Variants in NCOA7 observed in about 807,000 individuals in gnomAD.
The protein encoded by NCOA7 is nuclear receptor coactivator 7, also known as 140 kDa estrogen receptor-associated protein.
In NCOA7, 45 loss-of-function variants were observed where a neutral mutation model predicts 104.3. That is an observed-to-expected ratio of 0.43 (90% CI 0.34 to 0.55). NCOA7 has a LOEUF of 0.55. NCOA7 is among the 20% of genes least tolerant of loss of function. The pLI, the probability that NCOA7 is intolerant of heterozygous loss-of-function variation, is 0.02. For synonymous variants in NCOA7, 398 were observed against 402.3 expected, an observed-to-expected ratio of 0.99 and a Z score of 0.13; for missense variants, 1,041 against 1,119.7, an observed-to-expected ratio of 0.93 and a Z score of 1.00.
At chr6:125,874,194 G>A (rs747043696) in intron 3 of NCOA7, among the ~76,000 whole-genome samples, 2 of 152,060 alleles carry the variant, frequency 1.3e-5, no homozygotes, top group South Asian at 2.1e-4. Context: ...ACATGGTGGC[G>A]CACACCTGTA....
rs765782745 is a variant in NCOA7, at chr6:125,855,027, A to G, written c.58A>G (p.Lys20Glu). Residue 20 changes from lysine to glutamate, a missense_variant, in exon 3 of 16, where the codon AAG becomes GAG. Around this residue, in one of 2 missense-constraint regions of NCOA7, gnomAD observed 914 missense variants for 942.7 expected, o/e 0.97. Transcript: ENST00000392477. ...RKQSYFARLK[K>E]KKQAKQNAET... is the part of the protein sequence containing the mutation. ...TTTTTCCCTCTTTCCTAGACTGAAA[A>G]AGAAAAAACAAGCCAAACAAAATGC... 2 of 1,600,680 alleles carry G rather than the reference A, an allele frequency of 1.2e-6. No individual in the cohort carries two copies. Among genetic ancestry groups the G allele is most frequent in the Admixed American group, 3.5e-5 (2 of 57,544 alleles).
At chr6:125,830,926 A>T (rs1216898235) in intron 2 of NCOA7, among the ~76,000 whole-genome samples, 1 of 151,936 alleles carries the variant, frequency 6.6e-6, no homozygotes, top group East Asian at 1.9e-4. Context: ...TCTGTCTATT[A>T]TTCTATTTTC....
intron 10 of NCOA7, among the ~76,000 whole-genome samples, chr6:125,905,373 C>T (rs1275378231): frequency 6.6e-6 from 1 of 151,346 alleles, no homozygotes; most frequent in African/African-American, 2.4e-5. Context: ...TCTTCTGCCT[C>T]AGCCTCCCAA....
intron 11 of NCOA7, chr6:125,919,270 T>A (rs1253824149): frequency 6.2e-7 from 1 of 1,611,560 alleles, no homozygotes; most frequent in East Asian, 2.2e-5. Context: ...TAGCTCAGCG[T>A]GGCTACAAGT....
Position 125,792,744 on chromosome 6 carries a change from A to C in NCOA7, c.-65+1677A>C, listed in dbSNP as rs1197389073. Among the ~76,000 whole-genome samples, 3 of 152,098 alleles carry C rather than the reference A, an allele frequency of 2.0e-5. No individual in the cohort carries two copies. In the East Asian group the frequency reaches 5.8e-4, roughly 29 times the overall value. ...TGTGAAATGAGGGTTTGCAAGATAC[A>C]GTGTCTTCCTGCTTTAAAATGTTAT... On this transcript the variant is annotated intron_variant, in intron 1 of 15. Coordinates refer to ENST00000392477, the MANE Select transcript of NCOA7 (RefSeq NM_181782.5).
intron 1 of NCOA7, among the ~76,000 whole-genome samples, chr6:125,793,938 T>C (rs1485164637): frequency 6.6e-6 from 1 of 152,140 alleles, no homozygotes; most frequent in African/African-American, 2.4e-5. Context: ...CTAAATTTGA[T>C]CAGAAGCTTA....
chr6:125,906,319 C>T (rs1358145597), intron 10 of NCOA7, among the ~76,000 whole-genome samples: 2 of 151,784 alleles, frequency 1.3e-5, no homozygotes, highest in Non-Finnish European at 2.9e-5. Context: ...CGAGAGGAGG[C>T]AGGTAGGAGA....
upstream of NCOA7, chr6:125,786,123 T>C (rs1291330855): frequency 6.6e-6 from 1 of 152,210 alleles, no homozygotes; most frequent in Non-Finnish European, 1.5e-5. Context: ...ATAAACTCTC[T>C]TCTGCCTCTT....
chr6:125,835,150 AT>A (rs1358938561), intron 2 of NCOA7, among the ~76,000 whole-genome samples: 2 of 152,220 alleles, frequency 1.3e-5, no homozygotes, highest in East Asian at 3.8e-4. Flanking sequence ...GAGTTCCCCA[AT>A]AATGCAGCCT....
Position 125,853,335 on chromosome 6 carries a change from T to A in NCOA7, c.51-1685T>A, listed in dbSNP as rs1284768861. Among the ~76,000 whole-genome samples, 4 of 152,224 alleles carry A rather than the reference T, an allele frequency of 2.6e-5. No homozygotes were observed. The East Asian group carries it at 7.7e-4, about 29-fold the overall frequency. ...TCTTCAGGGTTTCTAGGTATTTGAT[T>A]GTATAATTGGCAAACAGAGATAGTT... On this transcript the variant is annotated intron_variant, in intron 2 of 15. Transcript: ENST00000392477.
intron 10 of NCOA7, among the ~76,000 whole-genome samples, chr6:125,901,120 C>T (rs1252923432): frequency 2.6e-5 from 4 of 152,216 alleles, no homozygotes; most frequent in East Asian, 1.9e-4. Flanking sequence ...CATGCATATG[C>T]GTTTCAGTAC....
chr6:125,841,402 C>T (rs1239695709), intron 2 of NCOA7, among the ~76,000 whole-genome samples: 1 of 152,066 alleles, frequency 6.6e-6, no homozygotes, highest in East Asian at 1.9e-4. Flanking sequence ...CCTAATGACA[C>T]GTTTCTCAGA....
At chr6:125,853,917 T>C (rs1370744326) in intron 2 of NCOA7, among the ~76,000 whole-genome samples, 2 of 152,168 alleles carry the variant, frequency 1.3e-5, no homozygotes, top group Admixed American at 1.3e-4. Flanking sequence ...GCCTGCCAAA[T>C]TGATTTGTTT....
At chr6:125,845,005 C>T (rs1208430201) in intron 2 of NCOA7, among the ~76,000 whole-genome samples, 1 of 152,144 alleles carries the variant, frequency 6.6e-6, no homozygotes, top group Admixed American at 6.5e-5. Flanking sequence ...ATTTTTATGT[C>T]AAGGACAACA....
chr6:125,806,037 T>C (rs1562792136), intron 1 of NCOA7, among the ~76,000 whole-genome samples: 1 of 152,064 alleles, frequency 6.6e-6, no homozygotes. Flanking sequence ...ACCAGGCCTG[T>C]CTTACTTTAA....
chr6:125,900,830 G>T (rs1785433840), intron 10 of NCOA7, among the ~76,000 whole-genome samples: 1 of 151,994 alleles, frequency 6.6e-6, no homozygotes, highest in African/African-American at 2.4e-5. Flanking sequence ...TTATACCTGG[G>T]TATTACTAAC....
chr6:125,794,773 C>G (rs914629018), intron 1 of NCOA7, among the ~76,000 whole-genome samples: 1 of 152,156 alleles, frequency 6.6e-6, no homozygotes, highest in Non-Finnish European at 1.5e-5. Context: ...TCACTCATTA[C>G]TAATTTGAAA....
chr6:125,906,678 G>A (rs566536447), intron 10 of NCOA7, among the ~76,000 whole-genome samples: 135 of 152,246 alleles, frequency 8.9e-4, no homozygotes, highest in African/African-American at 3.2e-3. Flanking sequence ...GGGGAGAGAG[G>A]AGGAAGAGGG....
chr6:125,863,270 C>A (rs928099135), intron 3 of NCOA7, among the ~76,000 whole-genome samples: 1 of 137,948 alleles, frequency 7.2e-6, no homozygotes, highest in Non-Finnish European at 1.5e-5. Flanking sequence ...CCCCAGCACT[C>A]TAATTAACAC....
Sources: gnomAD v4.1 joint callset for allele counts (sites outside exome capture counted in the v4.1 genomes callset) on GRCh38, gnomAD v4.1.1 for gene constraint, gnomAD v4.1.1 regional missense constraint, MANE v1.5 for transcripts, NCBI Gene and HGNC (gene_info 2026-07-23, HGNC 2026-07-21) for gene names.